MYH13: variants seen among roughly 807,000 people sequenced by gnomAD.
The protein encoded by MYH13 is myosin heavy chain 13.
A neutral mutation model predicts 232.1 loss-of-function variants in MYH13; 177 were observed. That is an observed-to-expected ratio of 0.76 (90% CI 0.67 to 0.86). The LOEUF (loss-of-function observed/expected upper bound fraction) is 0.86. MYH13 is among the 40% of genes least tolerant of loss of function. The pLI, the probability that MYH13 is intolerant of heterozygous loss-of-function variation, is 0.00. For synonymous variants in MYH13, 884 were observed against 923.5 expected (o/e 0.96, Z 0.78); for missense variants, 2,246 against 2,405.9 (o/e 0.93, Z 1.39).
intron 23 of MYH13, among the ~76,000 whole-genome samples, chr17:10,323,420 C>T (rs575302277): frequency 2.6e-5 from 4 of 152,112 alleles, no homozygotes; most frequent in African/African-American, 9.6e-5. Flanking sequence ...TGAAACAGTC[C>T]TTCCTCTCAA....
chr17:10,339,975 T>A (rs1294190073), intron 18 of MYH13, among the ~76,000 whole-genome samples, 175 bp downstream of exon 18: 1 of 152,220 alleles, frequency 6.6e-6, no homozygotes, highest in Non-Finnish European at 1.5e-5. Context: ...ATCATTTCTT[T>A]GTGTTGGGTA....
At chr17:10,370,759 GGTTTTT>G (rs1291958804) in intron 2 of MYH13, among the ~76,000 whole-genome samples, 7 of 152,220 alleles carry the variant, frequency 4.6e-5, no homozygotes, top group African/African-American at 1.7e-4. Flanking sequence ...AAGGGGATAG[GGTTTTT>G]ATTACCGCAC....
At chr17:10,302,916 A>G (rs1235582805) in intron 39 of MYH13, among the ~76,000 whole-genome samples, 1 of 151,490 alleles carries the variant, frequency 6.6e-6, no homozygotes, top group Non-Finnish European at 1.5e-5. Flanking sequence ...GTAGGCTAAC[A>G]TGCTCTAGGG....
chr17:10,327,523 T>C (rs188773025), intron 22 of MYH13, among the ~76,000 whole-genome samples: 1 of 152,330 alleles, frequency 6.6e-6, no homozygotes, highest in African/African-American at 2.4e-5. Context: ...TATTTAATTT[T>C]GATTATTTTT....
chr17:10,353,904 AGAAG>A (rs951931665), intron 11 of MYH13, among the ~76,000 whole-genome samples: 8 of 142,154 alleles, frequency 5.6e-5, no homozygotes, highest in Admixed American at 2.9e-4. Context: ...AAGAGAAGAA[AGAAG>A]GAGAGAGAGA....
intron 5 of MYH13, 110 bp from the exon 6 acceptor site, chr17:10,360,298 C>CAAAGA: frequency 9.8e-6 from 12 of 1,226,498 alleles, no homozygotes; most frequent in South Asian, 1.3e-5. Context: ...AATGTCTTTG[C>CAAAGA]CATTAACCAC....
rs1906221601 is a variant in MYH13, at chr17:10,304,815, T to G, written c.5467-1317A>C. Among the ~76,000 whole-genome samples the G allele has an allele frequency of 6.6e-6, 1 of 152,220 alleles. No individual in the cohort carries two copies. Among genetic ancestry groups the G allele is most frequent in the African/African-American group, 2.4e-5 (1 of 41,450 alleles). On this transcript the variant is annotated intron_variant, in intron 37 of 40. Coordinates refer to ENST00000252172, the MANE Select transcript of MYH13 (RefSeq NM_003802.3). The surrounding 1 kb of genome is among the most constrained non-coding windows in gnomAD (Gnocchi z 5.3). ...TGTTAATTTCATAGTTGCTTCTGCC[T>G]TTCTTGAAGTCTTGAGGGGAAAGGG...
chr17:10,365,260 C>A (rs1238907812), intron 2 of MYH13, among the ~76,000 whole-genome samples: 4 of 152,224 alleles, frequency 2.6e-5, no homozygotes, highest in Non-Finnish European at 5.9e-5. Context: ...TGAAAATCGT[C>A]ACTGGAATGC....
At chr17:10,368,136 A>G (rs561313387) in intron 2 of MYH13, among the ~76,000 whole-genome samples, 2 of 152,310 alleles carry the variant, frequency 1.3e-5, no homozygotes, top group Non-Finnish European at 2.9e-5. Flanking sequence ...TTCTTACACA[A>G]TATTAAAAAA....
At position 10,332,187 on chromosome 17, in the gene MYH13, C is replaced by A. The variant is rs948643858; in HGVS notation, c.2210G>T (p.Gly737Val). Residue 737 changes from glycine (G) to valine (V), a missense_variant, in exon 20 of 41, where the codon GGG becomes GTG. Gly to Val is a moderately radical substitution (Grantham distance 109, BLOSUM62 -3). Transcript: ENST00000252172. ...RILNASAIPE[G>V]QFIDSKNASE... ...GGCATTTTTGCTGTCAATGAACTGC[C>A]CTTCAGGGATAGCACTGGCATTGAG... is the stretch of plus-strand genomic sequence containing the variant. The A allele has an allele frequency of 4.3e-6, 7 of 1,613,842 alleles. No homozygotes were observed. The African/African-American group carries it at 8.0e-5, about 18-fold the overall frequency.
Position 10,309,755 on chromosome 17 carries a change from G to T in MYH13, c.4732C>A (p.Arg1578Ser). 1.9e-6 allele frequency: 3 copies of T among 1,600,722 alleles called. No homozygotes were observed. Among genetic ancestry groups the T allele is most frequent in the Non-Finnish European group, 2.6e-6 (3 of 1,173,480 alleles). The change falls in exon 34 of 41, where the codon CGC becomes AGC. Residue 1578 changes from arginine (R) to serine (S), a missense_variant. By Grantham distance (110) the Arg-to-Ser change is moderately radical. Transcript: ENST00000252172. ...TCTTCATCCTTCTCAATGACCTTGC[G>T]GTCTAGCTCGGATTTCACCTGGCTC... ...ELSQVKSELD[R>S]KVIEKDEEIE...
chr17:10,355,221 C>T, intron 8 of MYH13, 74 bp from the exon 9 acceptor site: 1 of 1,410,008 alleles, frequency 7.1e-7, no homozygotes, highest in Non-Finnish European at 9.8e-7. Context: ...TAGATAGGTG[C>T]TGCCACAGAT....
chr17:10,363,064 TG>T (rs1486556092), intron 3 of MYH13, among the ~76,000 whole-genome samples: 1 of 152,042 alleles, frequency 6.6e-6, no homozygotes, highest in African/African-American at 2.4e-5. Context: ...CATTTGGGGG[TG>T]CATCATGGTT....
Position 10,345,360 on chromosome 17 carries a change from C to T in MYH13, c.1426G>A (p.Glu476Lys). 1.9e-6 allele frequency: 3 copies of T among 1,614,180 alleles called. No individual in the cohort carries two copies. Among genetic ancestry groups the T allele is most frequent in the Non-Finnish European group, 2.5e-6 (3 of 1,180,034 alleles). ...TTGGTGAAGTTGATGCACAGCTGCT[C>T]CAGGCTGTTGAACTGGGTGATTCAA... is the stretch of plus-strand genomic sequence containing the variant. ...GFEIFDFNSLEQLCINFTNEK... is the reference protein window; with the variant it reads ...GFEIFDFNSLKQLCINFTNEK... Residue 476 changes from glutamate to lysine, a missense_variant, in exon 15 of 41, where the codon GAG (glutamate) becomes AAG (lysine). Coordinates refer to ENST00000252172, the MANE Select transcript of MYH13 (RefSeq NM_003802.3).
In MYH13 at chr17:10,309,433, G is replaced by T. The variant is rs1212570961; in HGVS notation, c.4970C>A (p.Ser1657Tyr). 1.9e-6 allele frequency: 3 copies of T among 1,601,830 alleles called. No individual in the cohort carries two copies. Among genetic ancestry groups the T allele is most frequent in the Non-Finnish European group, 2.6e-6 (3 of 1,173,782 alleles). The part of the protein sequence containing the change: ...LRTVQGQLKD[S>Y]QLHLDDALRS... ...CAGGGCGTCATCGAGATGCAGCTGG[G>T]AGTCCTGCAGGGGAGACCCAGAGTG... Residue 1657 changes from serine to tyrosine, a missense_variant, in exon 35 of 41, where the codon TCC becomes TAC. Physicochemically the swap from Ser to Tyr is moderately radical, Grantham distance 144. Coordinates refer to ENST00000252172, the MANE Select transcript of MYH13 (RefSeq NM_003802.3).
chr17:10,343,309 G>A lies in MYH13; in HGVS notation c.1894+491C>T, dbSNP rs571721871. ...GCTTCCTAGGTTAAAGCAATTCTCC[G>A]GCCTCAGCTGCCTGAGTATCTGGGA... On this transcript the variant is annotated intron_variant, in intron 16 of 40. Coordinates refer to ENST00000252172, the MANE Select transcript of MYH13 (RefSeq NM_003802.3). Among the ~76,000 whole-genome samples, 4 of 151,982 alleles carry A rather than the reference G, an allele frequency of 2.6e-5. No individual in the cohort carries two copies. The South Asian group carries it at 6.2e-4, about 24-fold the overall frequency.
In MYH13 at chr17:10,333,123, A is replaced by C; in HGVS notation, c.2125T>G (p.Cys709Gly). Residue 709 changes from cysteine to glycine, a missense_variant, in exon 19 of 41, where the codon TGC (cysteine) becomes GGC (glycine). Transcript: ENST00000252172. ...CNGVLEGIRI[C>G]RKGFPSRILY... is the part of the protein sequence containing the mutation. ...ATCCGGCTGGGGAATCCCTTCCTGC[A>C]AATCCGGATGCCCTCGAGGACCCCG... 6.4e-7 allele frequency: 1 copy of C among 1,551,808 alleles called. No individual in the cohort carries two copies. The highest frequency in any genetic ancestry group is 2.0e-5 in the Admixed American group (1 of 51,018).
chr17:10,311,528 G>A (rs866209628), intron 32 of MYH13, among the ~76,000 whole-genome samples: 8 of 152,232 alleles, frequency 5.3e-5, no homozygotes, highest in South Asian at 2.1e-4. Flanking sequence ...ATAGTCTGCA[G>A]AACCAGAAGG....
chr17:10,372,257 A>G lies in MYH13; in HGVS notation c.-64+722T>C, dbSNP rs570716286. On this transcript the variant is annotated intron_variant, in intron 1 of 40. Coordinates refer to ENST00000252172, the MANE Select transcript of MYH13 (RefSeq NM_003802.3). ...AATTCTAATATCAGTTCTGTTAAGT[A>G]GCTGGTATGATTTCTTTGGGTTTCT... Among the ~76,000 whole-genome samples the G allele has an allele frequency of 2.4e-4, 37 of 152,312 alleles. 1 individual carries two copies. The highest frequency in any genetic ancestry group is 1.6e-3 in the Admixed American group (24 of 15,298).
Sources: allele counts gnomAD v4.1 joint callset (sites outside exome capture counted in the v4.1 genomes callset), GRCh38; gene constraint gnomAD v4.1.1; non-coding constraint Gnocchi (gnomAD v3.1); transcripts MANE v1.5; gene names NCBI Gene and HGNC (gene_info 2026-07-23, HGNC 2026-07-21).